Variants in HPF1 observed in about 807,000 individuals in gnomAD.
HPF1 encodes the protein histone PARylation factor 1, also known as UPF0609 protein C4orf27.
A neutral mutation model predicts 38.8 loss-of-function variants in HPF1; 35 were observed. The observed-to-expected ratio is 0.90, with a 90% CI of 0.69 to 1.19. HPF1 has a LOEUF of 1.19. Ranked by LOEUF, HPF1 falls within the 50% of genes most tolerant of loss-of-function variation. The probability of loss-of-function intolerance (pLI) is 0.00; values close to 1 mark genes in which losing one functional copy is unlikely to be tolerated. For synonymous variants in HPF1, 115 were observed against 139.2 expected (o/e 0.83, Z 1.22); for missense variants, 367 against 405.8 (o/e 0.90, Z 0.82).
intron 5 of HPF1, among the ~76,000 whole-genome samples, chr4:169,741,672 G>A (rs1733970326): frequency 1.3e-5 from 2 of 152,174 alleles, no homozygotes; most frequent in African/African-American, 2.4e-5. Flanking sequence ...GTGATTAAAT[G>A]GTAAACAAGA....
In HPF1 at chr4:169,757,943, C is replaced by A; in HGVS notation, c.-66G>T. On this transcript the variant is annotated 5_prime_UTR_variant, in exon 1 of 8. Coordinates refer to ENST00000393381, the MANE Select transcript of HPF1 (RefSeq NM_017867.3). ...CGCTTCCGAGCGCCGCCAACCGCTTCCGGGTTCAAAAGCCTCCAAGCCGAA... is the reference window on the plus strand; with the variant it reads ...CGCTTCCGAGCGCCGCCAACCGCTTACGGGTTCAAAAGCCTCCAAGCCGAA... 1 of 1,492,168 alleles carries A rather than the reference C, an allele frequency of 6.7e-7. No individual in the cohort carries two copies. The highest frequency in any genetic ancestry group is 9.0e-7 in the Non-Finnish European group (1 of 1,108,628). The allele number at this position is 1,492,168 out of a possible 1,614,324, so 92.4% of individuals were successfully genotyped here.
intron 3 of HPF1, 93 bp downstream of exon 3, chr4:169,750,443 T>C (rs1464871221): frequency 3.4e-6 from 3 of 891,096 alleles, no homozygotes; most frequent in South Asian, 4.3e-5. Flanking sequence ...GGGGAAAATA[T>C]GCCTTTCACC....
intron 3 of HPF1, among the ~76,000 whole-genome samples, chr4:169,750,299 C>T (rs1734101053): frequency 1.3e-5 from 2 of 152,128 alleles, no homozygotes; most frequent in African/African-American, 4.8e-5. Context: ...AAGAGCTCTT[C>T]TGAACCCAAA....
chr4:169,736,928 A>G (rs947686720), intron 6 of HPF1, among the ~76,000 whole-genome samples: 3 of 152,208 alleles, frequency 2.0e-5, no homozygotes, highest in African/African-American at 7.2e-5. Flanking sequence ...GTGTTTTTAT[A>G]CTTACAGATG....
intron 2 of HPF1, among the ~76,000 whole-genome samples, chr4:169,753,450 T>C (rs1734144592): frequency 6.6e-6 from 1 of 152,210 alleles, no homozygotes; most frequent in Non-Finnish European, 1.5e-5. Flanking sequence ...CTCAGTCTCC[T>C]AAGTAGCTAG....
At chr4:169,729,950 C>T (rs1733808380) in intron 7 of HPF1, among the ~76,000 whole-genome samples, 1 of 152,130 alleles carries the variant, frequency 6.6e-6, no homozygotes, top group African/African-American at 2.4e-5. Context: ...TTAAATCGAG[C>T]TTCCTTATTC....
At chr4:169,734,469 C>A (rs543719137) in intron 6 of HPF1, among the ~76,000 whole-genome samples, 1 of 152,256 alleles carries the variant, frequency 6.6e-6, no homozygotes, top group South Asian at 2.1e-4. Flanking sequence ...GAATAAGCAA[C>A]TTATGCGAAT....
rs778718237 is a variant in HPF1, at chr4:169,742,120, T to G, written c.498-13A>C. 5 of 1,606,964 alleles carry G rather than the reference T, an allele frequency of 3.1e-6. No homozygotes were observed. The highest frequency in any genetic ancestry group is 3.4e-6 in the Non-Finnish European group (4 of 1,177,730). ...CGTCAAAAATAATCTGAAAAAGAAG[T>G]AAAAGTCCGCATTATGTGGCAGGCC... is the stretch of plus-strand genomic sequence containing the variant. On this transcript the variant is annotated splice_polypyrimidine_tract_variant and intron_variant, in intron 4 of 7. Transcript: ENST00000393381.
intron 3 of HPF1, 39 bp downstream of exon 3, chr4:169,750,497 C>A (rs1482169889): frequency 2.1e-6 from 3 of 1,434,440 alleles, no homozygotes; most frequent in African/African-American, 2.9e-5. Flanking sequence ...ATTAGCAGGA[C>A]AGCAGCTGTA....
intron 4 of HPF1, among the ~76,000 whole-genome samples, chr4:169,745,088 G>A (rs910959460): frequency 7.2e-5 from 11 of 152,236 alleles, no homozygotes; most frequent in African/African-American, 2.4e-4. Flanking sequence ...GCCAATTTCA[G>A]AGTAGGGTGG....
intron 4 of HPF1, among the ~76,000 whole-genome samples, chr4:169,747,005 A>AC (rs1734058384): frequency 6.8e-6 from 1 of 146,082 alleles, no homozygotes; most frequent in Non-Finnish European, 1.5e-5. Context: ...AAAAAAAAAA[A>AC]AACATGACTA....
intron 1 of HPF1, among the ~76,000 whole-genome samples, chr4:169,755,189 A>T (rs1387414623): frequency 6.6e-6 from 1 of 152,064 alleles, no homozygotes; most frequent in Non-Finnish European, 1.5e-5. Context: ...CATTAATTCC[A>T]AGAGCAAAAA....
At chr4:169,748,958 CTT>C (rs369228807) in intron 3 of HPF1, 116 bp from the exon 4 acceptor site, 6,324 of 449,580 alleles carry the variant, frequency 0.014, no homozygotes, top group South Asian at 0.019. Flanking sequence ...TTTTGGAGGC[CTT>C]TTTTTTTTTT....
At chr4:169,745,932 A>G (rs1485431834) in intron 4 of HPF1, among the ~76,000 whole-genome samples, 1 of 152,148 alleles carries the variant, frequency 6.6e-6, no homozygotes, top group Non-Finnish European at 1.5e-5. Flanking sequence ...CAAAAATAAC[A>G]TTTTATTATC....
chr4:169,737,569 G>T, intron 6 of HPF1, 91 bp downstream of exon 6: 1 of 822,696 alleles, frequency 1.2e-6, no homozygotes, highest in Non-Finnish European at 2.2e-6. Flanking sequence ...TGTCAGAAAA[G>T]GTATATAGAC....
Position 169,731,807 on chromosome 4 carries a change from G to A in HPF1, c.806C>T (p.Ala269Val), listed in dbSNP as rs1201556569. The stretch of plus-strand genomic sequence containing the variant: ...AAAAGTCATCATTTCCTGAATGGGA[G>A]CAAAAGCTTTTAGTCTCTCCTCATC... ...ASDEERLKAF[A>V]PIQEMMTFVQ... Residue 269 changes from alanine to valine, a missense_variant, in exon 7 of 8, where the codon GCT becomes GTT. By Grantham distance (64) the Ala-to-Val change is moderately conservative. Coordinates refer to ENST00000393381, the MANE Select transcript of HPF1 (RefSeq NM_017867.3). The A allele has an allele frequency of 6.8e-6, 11 of 1,610,374 alleles. No homozygotes were observed.
chr4:169,731,813 G>T lies in HPF1; in HGVS notation c.800C>A (p.Ala267Asp), dbSNP rs1477384717. 5 of 1,611,298 alleles carry T rather than the reference G, an allele frequency of 3.1e-6. No homozygotes were observed. The highest frequency in any genetic ancestry group is 4.2e-6 in the Non-Finnish European group (5 of 1,179,042). Residue 267 changes from alanine to aspartate, a missense_variant, in exon 7 of 8, where the codon GCT (alanine) becomes GAT (aspartate). Ala to Asp is a moderately radical substitution (Grantham distance 126, BLOSUM62 -2). Transcript: ENST00000393381. ...CATCATTTCCTGAATGGGAGCAAAA[G>T]CTTTTAGTCTCTCCTCATCACTTGC... ...EAASDEERLK[A>D]FAPIQEMMTF...
At chr4:169,730,524 C>T (rs1733815681) in intron 7 of HPF1, among the ~76,000 whole-genome samples, 1 of 152,158 alleles carries the variant, frequency 6.6e-6, no homozygotes, top group South Asian at 2.1e-4. Context: ...TAGCAGGGTT[C>T]TCAAAATGTA....
intron 4 of HPF1, among the ~76,000 whole-genome samples, chr4:169,742,884 CA>C (rs1221896110): frequency 6.6e-6 from 1 of 151,906 alleles, no homozygotes; most frequent in African/African-American, 2.4e-5. Flanking sequence ...GCGGATCACT[CA>C]AGGTCAGGAG....
Sources: allele counts gnomAD v4.1 joint callset (sites outside exome capture counted in the v4.1 genomes callset), GRCh38; gene constraint gnomAD v4.1.1; transcripts MANE v1.5; gene names NCBI Gene and HGNC (gene_info 2026-07-23, HGNC 2026-07-21).